Variants in CRACD observed in about 807,000 individuals in gnomAD.
CRACD encodes capping protein-inhibiting regulator of actin dynamics.
A neutral mutation model predicts 106.8 loss-of-function variants in CRACD; 56 were observed. That is an observed-to-expected ratio of 0.52 (90% CI 0.42 to 0.66). CRACD has a LOEUF of 0.66. CRACD is among the 30% of genes least tolerant of loss of function. The pLI, the probability that CRACD is intolerant of heterozygous loss-of-function variation, is 0.00. For synonymous variants in CRACD, 754 were observed against 670.8 expected (o/e 1.12, Z -1.92); for missense variants, 1,730 against 1,623.2 (o/e 1.07, Z -1.13).
Position 56,143,836 on chromosome 4 carries a change from T to G in CRACD, c.-335-35448T>G, listed in dbSNP as rs150745338. Among the ~76,000 whole-genome samples, 84 of 152,314 alleles carry G rather than the reference T, an allele frequency of 5.5e-4. 1 individual carries two copies. The South Asian group carries it at 7.5e-3, about 14-fold the overall frequency. On this transcript the variant is annotated intron_variant, in intron 1 of 10. Coordinates refer to ENST00000682029, the MANE Select transcript of CRACD (RefSeq NM_001393381.1). ...CTGGAATGCTGTTAAATATTAGGGA[T>G]TAAATGGTGAGCAAGATTATGAGAT... is the stretch of plus-strand genomic sequence containing the variant.
intron 2 of CRACD, among the ~76,000 whole-genome samples, chr4:56,183,125 C>A (rs1736914079): frequency 6.6e-6 from 1 of 151,214 alleles, no homozygotes; most frequent in South Asian, 2.1e-4. Flanking sequence ...CCCAGCTACT[C>A]CGGAGGCTGA....
At chr4:56,113,646 A>G (rs1247320550) in intron 1 of CRACD, among the ~76,000 whole-genome samples, 6 of 152,160 alleles carry the variant, frequency 3.9e-5, no homozygotes, top group Non-Finnish European at 8.8e-5. Flanking sequence ...GTGGCCTGAT[A>G]GCACTTCATC....
rs114120861 is a variant in CRACD, at chr4:56,322,437, A to T, written c.3188-940A>T. On this transcript the variant is annotated intron_variant, in intron 8 of 10. Coordinates refer to ENST00000682029, the MANE Select transcript of CRACD (RefSeq NM_001393381.1). ...GTGAGGTATTTACCCCCAATTACATAGGTGAGACAGTCAACCACAAGAAAA... is the reference window on the plus strand; with the variant it reads ...GTGAGGTATTTACCCCCAATTACATTGGTGAGACAGTCAACCACAAGAAAA... Among the ~76,000 whole-genome samples, 1,270 of 152,346 alleles carry T rather than the reference A, an allele frequency of 8.3e-3. 14 individuals are homozygous for T. The highest frequency in any genetic ancestry group is 1.0e-2 in the Non-Finnish European group (677 of 68,034).
intron 2 of CRACD, among the ~76,000 whole-genome samples, chr4:56,203,734 A>G (rs192724846): frequency 6.6e-6 from 1 of 152,312 alleles, no homozygotes; most frequent in East Asian, 1.9e-4. Context: ...CAGTGTGGAA[A>G]CAAGCACTTT....
At chr4:56,326,310 G>C (rs561592089) in intron 10 of CRACD, among the ~76,000 whole-genome samples, 9 of 152,256 alleles carry the variant, frequency 5.9e-5, no homozygotes, top group Admixed American at 2.0e-4. Flanking sequence ...AGGAATTAAG[G>C]GTTCTACCTG....
chr4:56,185,019 C>T (rs7660627), intron 2 of CRACD, among the ~76,000 whole-genome samples: 44,017 of 152,038 alleles, frequency 0.29, 6,613 homozygotes, highest in South Asian at 0.35. Context: ...TGCAGTGGCG[C>T]GATCTCAGCT....
chr4:56,204,537 G>A (rs2109479900), intron 2 of CRACD, among the ~76,000 whole-genome samples: 1 of 152,150 alleles, frequency 6.6e-6, no homozygotes, highest in Middle Eastern at 3.4e-3. Flanking sequence ...CACTCATGAG[G>A]GCTTAGCACT....
intron 1 of CRACD, among the ~76,000 whole-genome samples, chr4:56,143,104 G>C (rs915135862): frequency 1.9e-4 from 29 of 151,606 alleles, no homozygotes; most frequent in African/African-American, 6.8e-4. Context: ...GATTGGACTT[G>C]AGTTAAATCA....
chr4:56,168,775 A>C (rs941150679), intron 1 of CRACD, among the ~76,000 whole-genome samples: 13 of 151,580 alleles, frequency 8.6e-5, no homozygotes, highest in Admixed American at 5.3e-4. Flanking sequence ...AGACACAAAG[A>C]AATTGGAACC....
chr4:56,245,322 G>A (rs143561736), intron 2 of CRACD, among the ~76,000 whole-genome samples: 1 of 152,270 alleles, frequency 6.6e-6, no homozygotes, highest in East Asian at 1.9e-4. Context: ...GTGGTTGCTA[G>A]CAATTTTATC....
chr4:56,055,813 C>T (rs1009154442), intron 1 of CRACD, among the ~76,000 whole-genome samples: 1 of 152,074 alleles, frequency 6.6e-6, no homozygotes, highest in Non-Finnish European at 1.5e-5. Context: ...TCTGTGAGCG[C>T]ATATTGTACT....
In CRACD at chr4:56,328,602, C is replaced by T. The variant is rs1332445571; in HGVS notation, c.*798C>T. The T allele has an allele frequency of 6.0e-6, 2 of 333,840 alleles. No homozygotes were observed. The highest frequency in any genetic ancestry group is 7.6e-5 in the East Asian group (1 of 13,226). 20.7% of individuals were successfully genotyped at this position (333,840 alleles called of 1,614,324 possible). On this transcript the variant is annotated 3_prime_UTR_variant, in exon 11 of 11. Transcript: ENST00000682029. ...TGTCTCTGAGAATCTCCATCTAGGG[C>T]AGTAGTTCTTATGATGTGTAGGCTC... is the stretch of plus-strand genomic sequence containing the variant.
chr4:56,281,235 C>T (rs1270232559), intron 3 of CRACD, among the ~76,000 whole-genome samples: 1 of 151,982 alleles, frequency 6.6e-6, no homozygotes, highest in Non-Finnish European at 1.5e-5. Context: ...CTCATGGGAG[C>T]ATGAACCCTA....
chr4:56,260,476 A>G (rs1355574292), intron 2 of CRACD, among the ~76,000 whole-genome samples: 5 of 152,234 alleles, frequency 3.3e-5, no homozygotes, highest in African/African-American at 1.2e-4. Flanking sequence ...AAGTTGACAA[A>G]GGGTGGAGTG....
intron 5 of CRACD, chr4:56,308,874 G>A: frequency 7.8e-7 from 1 of 1,288,836 alleles, no homozygotes; most frequent in African/African-American, 1.5e-5. Flanking sequence ...AGTTATTGAT[G>A]AGCTCATAAG....
At chr4:56,245,534 TG>T (rs1471180888) in intron 2 of CRACD, among the ~76,000 whole-genome samples, 1 of 152,250 alleles carries the variant, frequency 6.6e-6, no homozygotes, top group Non-Finnish European at 1.5e-5. Context: ...TAATGTAAAA[TG>T]GTAAAAGTGA....
intron 2 of CRACD, among the ~76,000 whole-genome samples, chr4:56,249,598 G>C (rs574232189): frequency 2.2e-4 from 33 of 152,180 alleles, no homozygotes; most frequent in Middle Eastern, 3.4e-3. Flanking sequence ...AGAATACGAG[G>C]CACCTGCCTT....
At chr4:56,303,046 T>C (rs1744460018) in intron 4 of CRACD, among the ~76,000 whole-genome samples, 1 of 152,170 alleles carries the variant, frequency 6.6e-6, no homozygotes, top group Non-Finnish European at 1.5e-5. Context: ...CCCATGTGTA[T>C]AAAGAAGGAG....
intron 1 of CRACD, among the ~76,000 whole-genome samples, chr4:56,112,863 C>T (rs1371862023): frequency 6.6e-6 from 1 of 152,014 alleles, no homozygotes; most frequent in East Asian, 1.9e-4. Context: ...CCATGGGCCG[C>T]TAAGGGGTCC....
Sources: gnomAD v4.1 joint callset for allele counts (sites outside exome capture counted in the v4.1 genomes callset) on GRCh38, gnomAD v4.1.1 for gene constraint, MANE v1.5 for transcripts, NCBI Gene and HGNC (gene_info 2026-07-23, HGNC 2026-07-21) for gene names.